The following CLSTN2 variants were observed in gnomAD, a reference collection of about 807,000 sequenced individuals.
CLSTN2 encodes calsyntenin 2.
In CLSTN2, 48 loss-of-function variants were observed where a neutral mutation model predicts 101.2. The ratio of observed to expected loss-of-function variants is 0.47; its 90% CI spans 0.38 to 0.60. The LOEUF (loss-of-function observed/expected upper bound fraction) is 0.60. CLSTN2 is among the 20% of genes least tolerant of loss of function. The pLI, the probability that CLSTN2 is intolerant of heterozygous loss-of-function variation, is 0.00. For missense variants in CLSTN2, 1,160 were observed against 1,238.2 expected, an observed-to-expected ratio of 0.94 and a Z score of 0.95; for synonymous variants, 481 against 463.6, an observed-to-expected ratio of 1.04 and a Z score of -0.48.
intron 2 of CLSTN2, among the ~76,000 whole-genome samples, chr3:140,251,725 A>C (rs1212753494): frequency 6.6e-6 from 1 of 150,522 alleles, no homozygotes; most frequent in Non-Finnish European, 1.5e-5. Context: ...CCAATGGTAC[A>C]TTATGTATGT....
intron 2 of CLSTN2, among the ~76,000 whole-genome samples, chr3:140,210,374 G>A (rs2010839749): frequency 6.6e-6 from 1 of 152,208 alleles, no homozygotes; most frequent in African/African-American, 2.4e-5. Flanking sequence ...AGCAGCAGTA[G>A]CCGAGGCAGG....
At chr3:140,240,166 CTCTCTCTCTATATATA>C (rs1223942281) in intron 2 of CLSTN2, among the ~76,000 whole-genome samples, 1 of 18,012 alleles carries the variant, frequency 5.6e-5, no homozygotes, top group African/African-American at 8.1e-5. Context: ...CTCTCTCTCT[CTCTCTCTCTATATATA>C]TATATATATA....
At chr3:140,237,719 T>C (rs1437487345) in intron 2 of CLSTN2, among the ~76,000 whole-genome samples, 1 of 152,218 alleles carries the variant, frequency 6.6e-6, no homozygotes, top group African/African-American at 2.4e-5. Flanking sequence ...TGTTGTACAA[T>C]ACCTGACAGC....
chr3:140,271,555 C>T (rs1041028157), intron 2 of CLSTN2, among the ~76,000 whole-genome samples: 3 of 152,108 alleles, frequency 2.0e-5, no homozygotes, highest in African/African-American at 7.2e-5. Flanking sequence ...GCTGTGTATT[C>T]TCATGTGGTG....
chr3:139,955,585 C>T (rs1235533279), intron 1 of CLSTN2, among the ~76,000 whole-genome samples: 5 of 4,840 alleles, frequency 1.0e-3, no homozygotes, highest in Admixed American at 0.016. Context: ...GAGGTGTCTT[C>T]GGGCCGGGCT....
intron 2 of CLSTN2, among the ~76,000 whole-genome samples, chr3:140,370,647 C>G (rs2087842835): frequency 6.6e-6 from 1 of 152,110 alleles, no homozygotes; most frequent in East Asian, 1.9e-4. Context: ...TCGGCATGCC[C>G]TCACCCTAGG....
chr3:140,225,487 TTTG>T (rs1210692863), intron 2 of CLSTN2, among the ~76,000 whole-genome samples: 119 of 38,642 alleles, frequency 3.1e-3, no homozygotes, highest in African/African-American at 0.01. Context: ...CACTGACATT[TTTG>T]TTTGTTTGTT....
At chr3:139,959,148 C>T (rs970705562) in intron 1 of CLSTN2, among the ~76,000 whole-genome samples, 4 of 152,144 alleles carry the variant, frequency 2.6e-5, no homozygotes, top group Non-Finnish European at 5.9e-5. Flanking sequence ...CACACGTCTT[C>T]TGTCTCTGCT....
intron 1 of CLSTN2, among the ~76,000 whole-genome samples, chr3:139,996,496 T>TCTC (rs200967606): frequency 0.043 from 6,621 of 152,258 alleles, 158 homozygotes; most frequent in Non-Finnish European, 0.051. Context: ...TTCATGCCAT[T>TCTC]CTGCCTCAGC....
At chr3:140,303,445 C>T (rs1369660990) in intron 2 of CLSTN2, among the ~76,000 whole-genome samples, 2 of 152,122 alleles carry the variant, frequency 1.3e-5, no homozygotes, top group Non-Finnish European at 2.9e-5. Flanking sequence ...CTTGACAGGT[C>T]ATTTAGCTTC....
At chr3:139,987,694 G>A (rs973525671) in intron 1 of CLSTN2, among the ~76,000 whole-genome samples, 1 of 152,214 alleles carries the variant, frequency 6.6e-6, no homozygotes, top group Non-Finnish European at 1.5e-5. Context: ...CAGGTAGTAG[G>A]AGGTTGCCAG....
chr3:139,987,032 A>C (rs987144871), intron 1 of CLSTN2, among the ~76,000 whole-genome samples: 1 of 72,328 alleles, frequency 1.4e-5, no homozygotes. Flanking sequence ...TGATGCTGTT[A>C]AAAAAAAATT....
At chr3:140,485,743 G>A (rs1160390208) in intron 8 of CLSTN2, among the ~76,000 whole-genome samples, 1 of 152,136 alleles carries the variant, frequency 6.6e-6, no homozygotes, top group East Asian at 1.9e-4. Flanking sequence ...ATGGGCATAG[G>A]ACCCTCCGAG....
At chr3:140,108,570 A>G (rs1488618702) in intron 1 of CLSTN2, among the ~76,000 whole-genome samples, 2 of 152,164 alleles carry the variant, frequency 1.3e-5, no homozygotes, top group Non-Finnish European at 2.9e-5. Context: ...TTTTTTATTA[A>G]AAAGAACCTT....
chr3:140,175,849 T>C (rs1393366239), intron 1 of CLSTN2, 102 bp from the exon 2 acceptor site: 3 of 1,113,092 alleles, frequency 2.7e-6, no homozygotes, highest in Non-Finnish European at 3.8e-6. Flanking sequence ...GATTGTTGGA[T>C]GAGAGTCTAT....
In CLSTN2 at chr3:140,448,706, T is replaced by G; in HGVS notation, c.973+2T>G. 1.9e-6 allele frequency: 3 copies of G among 1,601,286 alleles called. No homozygotes were observed. Among genetic ancestry groups the G allele is most frequent in the Non-Finnish European group, 2.6e-6 (3 of 1,169,852 alleles). On this transcript the variant is annotated splice_donor_variant, in intron 6 of 16. Coordinates refer to ENST00000458420, the MANE Select transcript of CLSTN2 (RefSeq NM_022131.3). LOFTEE classifies it high-confidence loss of function. ...AGAAATCCCTTCAAAAGTTATGTGG[T>G]AGGTTTTTCCCTTTTGGGATTTTAA...
chr3:140,255,125 G>C (rs555097130), intron 2 of CLSTN2, among the ~76,000 whole-genome samples: 1 of 152,116 alleles, frequency 6.6e-6, no homozygotes, highest in Non-Finnish European at 1.5e-5. Flanking sequence ...AGTCAGAATG[G>C]CTATGATTTA....
chr3:140,160,410 A>T (rs1359078467), intron 1 of CLSTN2, among the ~76,000 whole-genome samples: 1 of 152,106 alleles, frequency 6.6e-6, no homozygotes, highest in East Asian at 1.9e-4. Context: ...TTGCTAGTAA[A>T]TTTATGTGCT....
chr3:139,966,886 C>T (rs1576379515), intron 1 of CLSTN2, among the ~76,000 whole-genome samples: 1 of 152,122 alleles, frequency 6.6e-6, no homozygotes, highest in African/African-American at 2.4e-5. Context: ...AATATGGCTG[C>T]AGTAACAGTA....
Sources: allele counts gnomAD v4.1 joint callset (sites outside exome capture counted in the v4.1 genomes callset), GRCh38; gene constraint gnomAD v4.1.1; transcripts MANE v1.5; gene names NCBI Gene and HGNC (gene_info 2026-07-23, HGNC 2026-07-21).